SPG11: variants seen among roughly 807,000 people sequenced by gnomAD.
SPG11 encodes SPG11 vesicle trafficking associated, spatacsin.
In SPG11, 222 loss-of-function variants were observed where a neutral mutation model predicts 274.0. The observed-to-expected ratio is 0.81, with a 90% CI of 0.73 to 0.91. The LOEUF (loss-of-function observed/expected upper bound fraction) is 0.91. Among genes scored for constraint, SPG11 ranks in the 40% least tolerant of loss-of-function variants. SPG11 has a pLI of 0.00. For missense variants in SPG11, 3,114 were observed against 2,872.7 expected (o/e 1.08, Z -1.92); for synonymous variants, 1,144 against 1,039.7 (o/e 1.10, Z -1.93).
chr15:44,578,088 G>T (rs967706782), intron 30 of SPG11, among the ~76,000 whole-genome samples: 4 of 146,260 alleles, frequency 2.7e-5, no homozygotes, highest in African/African-American at 1.0e-4. Context: ...GCATTGGCGT[G>T]ATCTCGGCTC....
chr15:44,663,342 G>A lies in SPG11; in HGVS notation c.257+49C>T, dbSNP rs772699747. The A allele has an allele frequency of 3.8e-6, 6 of 1,582,008 alleles. No homozygotes were observed. In the Admixed American group the frequency reaches 1.1e-4, roughly 28 times the overall value. Reference sequence around the variant, plus strand: ...GAGCCCTTGGGGCTCAGTCAGCCGAGCCTAGGCTCTGGACTCCCCCAACGG... The same window carrying A: ...GAGCCCTTGGGGCTCAGTCAGCCGAACCTAGGCTCTGGACTCCCCCAACGG... On this transcript the variant is annotated intron_variant, in intron 1 of 39. Transcript: ENST00000261866.
chr15:44,661,447 T>C (rs1416478181), intron 1 of SPG11, among the ~76,000 whole-genome samples: 1 of 152,178 alleles, frequency 6.6e-6, no homozygotes, highest in East Asian at 1.9e-4. Flanking sequence ...TCTACAGAAG[T>C]AGTGTTTTAT....
At chr15:44,609,176 G>A (rs2083395894) in intron 18 of SPG11, among the ~76,000 whole-genome samples, 1 of 152,044 alleles carries the variant, frequency 6.6e-6, no homozygotes, top group Non-Finnish European at 1.5e-5. Flanking sequence ...TGTGGGCCCA[G>A]GCTGGAGTGC....
At chr15:44,601,087 G>A (rs2083174331) in intron 20 of SPG11, among the ~76,000 whole-genome samples, 1 of 152,236 alleles carries the variant, frequency 6.6e-6, no homozygotes, top group East Asian at 1.9e-4. Flanking sequence ...GGGAGGCAGA[G>A]GTTGTGGTGA....
intron 36 of SPG11, 140 bp from the exon 37 acceptor site, chr15:44,566,445 G>C: frequency 2.4e-6 from 2 of 822,452 alleles, no homozygotes; most frequent in Non-Finnish European, 4.1e-6. Context: ...TCAGATAAAG[G>C]TTATTGGGCC....
At position 44,593,509 on chromosome 15, in the gene SPG11, C is replaced by T. The variant is rs779561199; in HGVS notation, c.4636-1071G>A. On this transcript the variant is annotated intron_variant, in intron 26 of 39. Transcript: ENST00000261866. The stretch of plus-strand genomic sequence containing the variant: ...CCAGGCATAACATTTTAAACACACA[C>T]ACCTGGATAATCTGCTCTACTGATC... Among the ~76,000 whole-genome samples, 4 of 152,310 alleles carry T rather than the reference C, an allele frequency of 2.6e-5. No individual in the cohort carries two copies. The South Asian group carries it at 8.3e-4, about 32-fold the overall frequency.
chr15:44,655,323 C>A (rs187666306), intron 4 of SPG11, among the ~76,000 whole-genome samples: 1 of 152,170 alleles, frequency 6.6e-6, no homozygotes, highest in Non-Finnish European at 1.5e-5. Context: ...TATTTTTCAT[C>A]ATGTTTCGTG....
At chr15:44,646,360 G>C (rs1428224829) in intron 7 of SPG11, among the ~76,000 whole-genome samples, 2 of 152,150 alleles carry the variant, frequency 1.3e-5, no homozygotes, top group African/African-American at 4.8e-5. Flanking sequence ...GGAGGCCTCA[G>C]GAAACTTACA....
chr15:44,621,787 G>A lies in SPG11; in HGVS notation c.2592C>T (p.Ser864=), dbSNP rs760085448. The part of the protein sequence containing the change: ...ALWWDQLTQE[S]ILLPRISPEE... ...CTGGACTTATCCTGGGGAGAAGGAT[G>A]GATTCTTGTGTTAGTTGATCCCACC... Residue 864 remains serine (S), a synonymous_variant, in exon 14 of 40, where the codon TCC becomes TCT. Coordinates refer to ENST00000261866, the MANE Select transcript of SPG11 (RefSeq NM_025137.4). 6.8e-6 allele frequency: 11 copies of A among 1,613,748 alleles called. No individual in the cohort carries two copies. In the African/African-American group the frequency reaches 1.1e-4, roughly 16 times the overall value.
chr15:44,633,382 G>T (rs1407228911), intron 8 of SPG11, 123 bp downstream of exon 8: 2 of 177,188 alleles, frequency 1.1e-5, no homozygotes, highest in Non-Finnish European at 2.1e-5. Context: ...CAAAAAGTAC[G>T]TAAAATCCCA....
chr15:44,597,935 C>A (rs1264163145), intron 23 of SPG11, among the ~76,000 whole-genome samples: 3 of 152,196 alleles, frequency 2.0e-5, no homozygotes, highest in Non-Finnish European at 4.4e-5. Context: ...TCCAAGACAT[C>A]TGAACCCACA....
intron 17 of SPG11, among the ~76,000 whole-genome samples, chr15:44,611,757 A>C (rs758655908): frequency 2.2e-4 from 34 of 152,076 alleles, no homozygotes; most frequent in Admixed American, 3.9e-4. Context: ...AAATTAAATA[A>C]TGGTATATCC....
intron 14 of SPG11, chr15:44,621,455 T>C: frequency 8.2e-6 from 3 of 367,548 alleles, no homozygotes; most frequent in Non-Finnish European, 1.5e-5. Flanking sequence ...ATGGCATAGA[T>C]CCCCAATTTA....
rs763749443 is a variant in SPG11 at position 44,606,043 on chromosome 15, T to C, written c.3502A>G (p.Asn1168Asp). The C allele has an allele frequency of 2.5e-6, 4 of 1,613,802 alleles. No homozygotes were observed. Among genetic ancestry groups the C allele is most frequent in the Non-Finnish European group, 3.4e-6 (4 of 1,179,806 alleles). ...GACTTACCTCCTATAGCTAGTGTGTTAGCAGACTGCCAGCCAAACAATCTG... is the reference window on the plus strand; with the variant it reads ...GACTTACCTCCTATAGCTAGTGTGTCAGCAGACTGCCAGCCAAACAATCTG... ...PSRLFGWQSA[N>D]TLAIGDAWSH... The change falls in exon 20 of 40, where the codon AAC (asparagine) becomes GAC (aspartate). Residue 1168 changes from asparagine to aspartate, a missense_variant. Coordinates refer to ENST00000261866, the MANE Select transcript of SPG11 (RefSeq NM_025137.4).
At chr15:44,640,687 T>C (rs752746610) in intron 7 of SPG11, among the ~76,000 whole-genome samples, 3 of 152,190 alleles carry the variant, frequency 2.0e-5, no homozygotes, top group Non-Finnish European at 2.9e-5. Context: ...AAACTTAATA[T>C]ATGACACTCA....
intron 28 of SPG11, 141 bp from the exon 29 acceptor site, chr15:44,585,991 T>G (rs1035800334): frequency 2.2e-5 from 15 of 681,946 alleles, no homozygotes; most frequent in African/African-American, 1.9e-4. Context: ...CTGTTTTTTT[T>G]TTTTTTTTTT....
In SPG11 at chr15:44,657,224, T is replaced by C; in HGVS notation, c.740A>G (p.Asn247Ser). The C allele has an allele frequency of 6.2e-7, 1 of 1,614,198 alleles. No homozygotes were observed. Among genetic ancestry groups the C allele is most frequent in the Non-Finnish European group, 8.5e-7 (1 of 1,180,024 alleles). The change falls in exon 4 of 40, where the codon AAT (asparagine) becomes AGT (serine). Residue 247 changes from asparagine (N) to serine (S), a missense_variant. By Grantham distance (46) the Asn-to-Ser change is conservative. Coordinates refer to ENST00000261866, the MANE Select transcript of SPG11 (RefSeq NM_025137.4). ...DLALHKEDMC[N>S]EQQQEPAKIS... is the part of the protein sequence containing the mutation. ...CTTGGCTGGCTCCTGTTGCTGCTCA[T>C]TACACATGTCTTCTTTGTGAAGTGC...
At position 44,620,421 on chromosome 15, in the gene SPG11, C is replaced by T; in HGVS notation, c.2621-18G>A. 1.3e-6 allele frequency: 2 copies of T among 1,549,772 alleles called. No individual in the cohort carries two copies. Among genetic ancestry groups the T allele is most frequent in the Non-Finnish European group, 1.8e-6 (2 of 1,127,088 alleles). ...TTTGTATTCTACATGAAAAAAAACA[C>T]ATTTTAAAATATAATTAATTATGTC... is the stretch of plus-strand genomic sequence containing the variant. On this transcript the variant is annotated intron_variant, in intron 14 of 39. Coordinates refer to ENST00000261866, the MANE Select transcript of SPG11 (RefSeq NM_025137.4).
In SPG11 at chr15:44,596,230, C is replaced by T. The variant is rs139908662; in HGVS notation, c.4287G>A (p.Gln1429=). Reference sequence around the variant, plus strand: ...TCTCTTGTTTGCTTCCTTGAAGTTCCTGGGGGCACTTATTGCAGACTTGAT... The same window carrying T: ...TCTCTTGTTTGCTTCCTTGAAGTTCTTGGGGGCACTTATTGCAGACTTGAT... ...DSDQVCNKCP[Q]ELQGSKQEMT... is the part of the protein sequence containing the mutation. Residue 1429 remains glutamine (Q), a synonymous_variant, in exon 25 of 40, where the codon CAG becomes CAA. Transcript: ENST00000261866. 3.8e-5 allele frequency: 62 copies of T among 1,614,080 alleles called. No individual in the cohort carries two copies. In the East Asian group the frequency reaches 1.4e-3, roughly 36 times the overall value.
Sources: allele counts gnomAD v4.1 joint callset (sites outside exome capture counted in the v4.1 genomes callset), GRCh38; gene constraint gnomAD v4.1.1; transcripts MANE v1.5; gene names NCBI Gene and HGNC (gene_info 2026-07-23, HGNC 2026-07-21).